The following STYXL2 variants were observed in gnomAD, a reference collection of about 807,000 sequenced individuals.
STYXL2 encodes the protein serine/threonine/tyrosine interacting like 2.
Under a neutral mutation model 52.4 loss-of-function variants are expected in STYXL2, and 44 were observed. The ratio of observed to expected loss-of-function variants is 0.84; its 90% CI spans 0.66 to 1.08. The LOEUF (loss-of-function observed/expected upper bound fraction) is 1.08. Ranked by LOEUF, STYXL2 falls within the 50% of genes least tolerant of loss-of-function variation. The probability of loss-of-function intolerance (pLI) is 0.00; values close to 1 mark genes in which losing one functional copy is unlikely to be tolerated. For synonymous variants in STYXL2, 604 were observed against 586.9 expected (o/e 1.03, Z -0.42); for missense variants, 1,604 against 1,471.7 (o/e 1.09, Z -1.47).
intron 2 of STYXL2, among the ~76,000 whole-genome samples, chr1:167,100,141 G>C (rs1481682214): frequency 6.6e-6 from 1 of 152,210 alleles, no homozygotes; most frequent in African/African-American, 2.4e-5. Context: ...AGGAGAGCAG[G>C]CATGTGCAAA....
chr1:167,108,895 TG>T (rs1667560096), intron 2 of STYXL2, among the ~76,000 whole-genome samples: 1 of 152,158 alleles, frequency 6.6e-6, no homozygotes, highest in Non-Finnish European at 1.5e-5. Flanking sequence ...ACATCCTCAC[TG>T]GGGAACCTGA....
chr1:167,100,192 C>T (rs1261570615), intron 2 of STYXL2, among the ~76,000 whole-genome samples: 2 of 152,202 alleles, frequency 1.3e-5, no homozygotes, highest in African/African-American at 4.8e-5. Flanking sequence ...TATAACAACC[C>T]CCTCTCATGG....
At chr1:167,101,027 G>C (rs138753057) in intron 2 of STYXL2, among the ~76,000 whole-genome samples, 1 of 152,134 alleles carries the variant, frequency 6.6e-6, no homozygotes, top group South Asian at 2.1e-4. Context: ...TTTAAAAAAT[G>C]AAAACAGAAC....
intron 2 of STYXL2, among the ~76,000 whole-genome samples, chr1:167,099,774 A>G (rs1382188998): frequency 2.0e-5 from 3 of 152,246 alleles, no homozygotes; most frequent in African/African-American, 7.2e-5. Flanking sequence ...CTCTTCATAA[A>G]TACTTAACAA....
chr1:167,128,204 A>G lies in STYXL2; in HGVS notation c.3073A>G (p.Thr1025Ala). The change falls in exon 6 of 6, where the codon ACG becomes GCG. Residue 1025 changes from threonine (T) to alanine (A), a missense_variant. By Grantham distance (58) the Thr-to-Ala change is moderately conservative. Transcript: ENST00000361200. ...GREMHKFSRS[T>A]YNETSSSREE... ...AGAGATGCACAAGTTCTCCAGGTCC[A>G]CGTACAACGAGACCTCAAGTTCCCG... 5 of 1,614,214 alleles carry G rather than the reference A, an allele frequency of 3.1e-6. No homozygotes were observed. The highest frequency in any genetic ancestry group is 4.2e-6 in the Non-Finnish European group (5 of 1,180,040).
intron 3 of STYXL2, among the ~76,000 whole-genome samples, chr1:167,116,861 A>G (rs1422805449): frequency 6.6e-6 from 1 of 151,932 alleles, no homozygotes; most frequent in African/African-American, 2.4e-5. Flanking sequence ...TGTTGGTCAG[A>G]TTGGTCTTGA....
intron 5 of STYXL2, 151 bp downstream of exon 5, chr1:167,119,617 A>G: frequency 1.4e-6 from 1 of 697,272 alleles, no homozygotes; most frequent in Non-Finnish European, 2.4e-6. Flanking sequence ...AGACAGGATA[A>G]TCATTCATCC....
At chr1:167,107,795 T>A (rs6701345) in intron 2 of STYXL2, among the ~76,000 whole-genome samples, 99,220 of 152,008 alleles carry the variant, frequency 0.65, 33,690 homozygotes, top group East Asian at 0.9. Flanking sequence ...ATTTATCAAA[T>A]GATTTCATAA....
At chr1:167,104,982 T>C (rs1353056112) in intron 2 of STYXL2, among the ~76,000 whole-genome samples, 1 of 152,186 alleles carries the variant, frequency 6.6e-6, no homozygotes, top group Non-Finnish European at 1.5e-5. Context: ...ACTATGACAA[T>C]GCCATTTGCA....
chr1:167,127,031 C>A lies in STYXL2; in HGVS notation c.1900C>A (p.Arg634=). 2 of 1,606,702 alleles carry A rather than the reference C, an allele frequency of 1.2e-6. No homozygotes were observed. Among genetic ancestry groups the A allele is most frequent in the South Asian group, 1.1e-5 (1 of 90,080 alleles). The change falls in exon 6 of 6, where the codon CGG becomes AGG. Residue 634 remains arginine (R), a synonymous_variant. Transcript: ENST00000361200. ...GAGGCTGGAGCTGCTGGAGAGAAGCCGGCAGACGCTGGAGGAGAGCCAGTC... is the reference window on the plus strand; with the variant it reads ...GAGGCTGGAGCTGCTGGAGAGAAGCAGGCAGACGCTGGAGGAGAGCCAGTC... The part of the protein sequence containing the change: ...QRRLELLERS[R]QTLEESQSMA...
At chr1:167,120,900 AGGTATGTATGT>A (rs1558024985) in intron 5 of STYXL2, among the ~76,000 whole-genome samples, 2 of 101,898 alleles carry the variant, frequency 2.0e-5, no homozygotes, top group Admixed American at 9.5e-5. Flanking sequence ...AGAGAGAGAG[AGGTATGTATGT>A]GTATATATAC....
chr1:167,114,772 T>C (rs934673320), intron 3 of STYXL2, among the ~76,000 whole-genome samples: 1 of 151,548 alleles, frequency 6.6e-6, no homozygotes, highest in Non-Finnish European at 1.5e-5. Context: ...TTTTTCTTTT[T>C]CTTCCATACC....
chr1:167,117,497 T>C lies in STYXL2; in HGVS notation c.375T>C (p.Asp125=). The C allele has an allele frequency of 6.2e-7, 1 of 1,611,854 alleles. No homozygotes were observed. The part of the protein sequence containing the change: ...VLDLQRALVQ[D]RQEAPWNEVD... ...ACCTACAGCGGGCCCTGGTTCAGGA[T>C]CGCCAAGAGGCGCCCTGGAATGAGG... is the stretch of plus-strand genomic sequence containing the variant. The change falls in exon 4 of 6, where the codon GAT becomes GAC. Residue 125 remains aspartate (D), a synonymous_variant. Coordinates refer to ENST00000361200, the MANE Select transcript of STYXL2 (RefSeq NM_001080426.3).
chr1:167,116,651 G>GTTTTTT (rs57553225), intron 3 of STYXL2, among the ~76,000 whole-genome samples: 3 of 113,760 alleles, frequency 2.6e-5, no homozygotes, highest in African/African-American at 1.1e-4. Context: ...TTTTTTTTTG[G>GTTTTTT]TTTTTTTTTT....
intron 5 of STYXL2, among the ~76,000 whole-genome samples, chr1:167,119,717 G>C (rs1195532531): frequency 1.3e-5 from 2 of 152,178 alleles, no homozygotes; most frequent in African/African-American, 2.4e-5. Context: ...GCCTTTGACT[G>C]TTACACTGTA....
chr1:167,103,133 T>C (rs76931921), intron 2 of STYXL2, among the ~76,000 whole-genome samples: 26,040 of 152,142 alleles, frequency 0.17, 2,471 homozygotes, highest in Middle Eastern at 0.23. Flanking sequence ...TGCCACTCCT[T>C]CAAAAGGCCG....
chr1:167,123,571 G>GAGAAAAAAGAC (rs1468270822), intron 5 of STYXL2, among the ~76,000 whole-genome samples: 1 of 152,114 alleles, frequency 6.6e-6, no homozygotes, highest in East Asian at 1.9e-4. Context: ...AGGACGAGAG[G>GAGAAAAAAGAC]AGAAAAAAGA....
In STYXL2 at chr1:167,126,673, G is replaced by C. The variant is rs763114808; in HGVS notation, c.1542G>C (p.Arg514Ser). 3.1e-6 allele frequency: 5 copies of C among 1,614,170 alleles called. No individual in the cohort carries two copies. Among genetic ancestry groups the C allele is most frequent in the Non-Finnish European group, 3.4e-6 (4 of 1,180,030 alleles). ...AADRSSEAGS[R>S]VREDDEDSVG... Reference sequence around the variant, plus strand: ...ACAGGAGCTCAGAAGCAGGGAGCAGGGTGCGGGAGGATGATGAGGACAGCG... The same window carrying C: ...ACAGGAGCTCAGAAGCAGGGAGCAGCGTGCGGGAGGATGATGAGGACAGCG... Residue 514 changes from arginine to serine, a missense_variant, in exon 6 of 6, where the codon AGG becomes AGC. Transcript: ENST00000361200.
rs767623370 is a variant in STYXL2, at chr1:167,111,513, T to TAC, written c.111-2181_111-2180dup. Among the ~76,000 whole-genome samples, 437 of 49,968 alleles carry TAC rather than the reference T, an allele frequency of 8.7e-3. 4 individuals are homozygous for TAC. The highest frequency in any genetic ancestry group is 0.027 in the East Asian group (10 of 368). The allele number at this position is 49,968 out of a possible 152,430, so 32.8% of individuals were successfully genotyped here. Reference sequence around the variant, plus strand: ...ATATATATATATATATATATATATATACACACACACACACACAAATATATA... The same window carrying TAC: ...ATATATATATATATATATATATATATACACACACACACACACACAAATATATA... On this transcript the variant is annotated intron_variant, in intron 2 of 5. Transcript: ENST00000361200.
Sources: gnomAD v4.1 joint callset for allele counts (sites outside exome capture counted in the v4.1 genomes callset) on GRCh38, gnomAD v4.1.1 for gene constraint, MANE v1.5 for transcripts, NCBI Gene and HGNC (gene_info 2026-07-23, HGNC 2026-07-21) for gene names.